The following FAT3 variants were observed in gnomAD, a reference collection of about 807,000 sequenced individuals.
FAT3 encodes the protein FAT atypical cadherin 3.
Under a neutral mutation model 310.2 loss-of-function variants are expected in FAT3, and 95 were observed. The ratio of observed to expected loss-of-function variants is 0.31; its 90% confidence interval spans 0.26 to 0.36. The LOEUF is 0.36. Among genes scored for constraint, FAT3 ranks in the 10% least tolerant of loss-of-function variants. The probability of loss-of-function intolerance (pLI) is 1.00; values close to 1 mark genes in which losing one functional copy is unlikely to be tolerated. For synonymous variants in FAT3, 2,314 were observed against 2,192.9 expected (o/e 1.06, Z -1.54); for missense variants, 5,408 against 5,715.6 (o/e 0.95, Z 1.74).
intron 1 of FAT3, among the ~76,000 whole-genome samples, chr11:92,301,783 G>A (rs1947004883): frequency 6.6e-6 from 1 of 152,030 alleles, no homozygotes; most frequent in East Asian, 1.9e-4. Context: ...AGATCATCTT[G>A]TGTGCCTCAT....
chr11:92,565,610 T>A (rs1197367376), intron 3 of FAT3, among the ~76,000 whole-genome samples: 4 of 151,472 alleles, frequency 2.6e-5, no homozygotes, highest in African/African-American at 9.7e-5. Context: ...ACCAATATCC[T>A]TGATGAACAT....
At chr11:92,633,461 T>C (rs549770096) in intron 3 of FAT3, among the ~76,000 whole-genome samples, 8 of 152,196 alleles carry the variant, frequency 5.3e-5, no homozygotes, top group Non-Finnish European at 1.0e-4. Flanking sequence ...ATGTGAACTT[T>C]ACAAATGTCA....
intron 2 of FAT3, among the ~76,000 whole-genome samples, chr11:92,500,258 T>C (rs1241971553): frequency 1.3e-5 from 2 of 152,090 alleles, no homozygotes; most frequent in East Asian, 3.9e-4. Context: ...CATACAGTAT[T>C]AAATTAGACT....
chr11:92,822,146 C>T lies in FAT3; in HGVS notation c.9482-9476C>T, dbSNP rs115763209. ...TTCCAAACAGGGATCAAAACACTAGCTGTCAAAGGAAACAGCTAATTCCTT... is the reference window on the plus strand; with the variant it reads ...TTCCAAACAGGGATCAAAACACTAGTTGTCAAAGGAAACAGCTAATTCCTT... On this transcript the variant is annotated intron_variant, in intron 13 of 27. Transcript: ENST00000525166. 3.4e-3 allele frequency among the ~76,000 whole-genome samples: 512 copies of T among 152,238 alleles called. 1 individual carries two copies. Among genetic ancestry groups the T allele is most frequent in the African/African-American group, 0.012 (478 of 41,522 alleles).
chr11:92,548,032 G>A (rs910931577), intron 3 of FAT3, among the ~76,000 whole-genome samples: 1 of 152,130 alleles, frequency 6.6e-6, no homozygotes, highest in African/African-American at 2.4e-5. Flanking sequence ...TTGAGCACTT[G>A]ATTTATAGAA....
intron 2 of FAT3, among the ~76,000 whole-genome samples, chr11:92,421,197 G>C (rs1950526470): frequency 6.6e-6 from 1 of 152,088 alleles, no homozygotes; most frequent in Non-Finnish European, 1.5e-5. Flanking sequence ...GTTGTAACTT[G>C]ACTATCACTT....
In FAT3 at chr11:92,353,018, C is replaced by T; in HGVS notation, c.906C>T (p.Ser302=). 4.3e-6 allele frequency: 7 copies of T among 1,613,684 alleles called. No individual in the cohort carries two copies. The highest frequency in any genetic ancestry group is 1.3e-5 in the African/African-American group (1 of 74,994). ...CGAATGGAGAGATCGAATCTGTTTCCATTGTGGCTGGGGATCCTTTAGATC... is the reference window on the plus strand; with the variant it reads ...CGAATGGAGAGATCGAATCTGTTTCTATTGTGGCTGGGGATCCTTTAGATC... ...DGANGEIESV[S]IVAGDPLDQF... The change falls in exon 2 of 28, where the codon TCC becomes TCT. Residue 302 remains serine (S), a synonymous_variant. Coordinates refer to ENST00000525166, the MANE Select transcript of FAT3 (RefSeq NM_001367949.2).
chr11:92,787,057 G>A (rs1435129957), intron 7 of FAT3, among the ~76,000 whole-genome samples: 4 of 152,080 alleles, frequency 2.6e-5, no homozygotes, highest in Non-Finnish European at 5.9e-5. Flanking sequence ...CTGTACTACT[G>A]GATGTCAGTA....
intron 3 of FAT3, among the ~76,000 whole-genome samples, chr11:92,629,554 G>T (rs1198826662): frequency 6.6e-6 from 1 of 151,728 alleles, no homozygotes; most frequent in Non-Finnish European, 1.5e-5. Flanking sequence ...AGGACTATAG[G>T]CACGTGCCAC....
chr11:92,680,933 T>C (rs765777055), intron 3 of FAT3, among the ~76,000 whole-genome samples: 4 of 152,214 alleles, frequency 2.6e-5, no homozygotes, highest in Non-Finnish European at 4.4e-5. Context: ...CTAGAAACTT[T>C]TAGTGGTAGA....
intron 4 of FAT3, among the ~76,000 whole-genome samples, chr11:92,705,777 GTGA>G (rs1399077371): frequency 9.4e-5 from 1 of 10,606 alleles, no homozygotes; most frequent in African/African-American, 4.1e-4. Flanking sequence ...GATGGTGGTG[GTGA>G]TGGTGGTGGT....
At chr11:92,861,786 C>T (rs189458952) in intron 21 of FAT3, among the ~76,000 whole-genome samples, 9 of 152,342 alleles carry the variant, frequency 5.9e-5, no homozygotes, top group African/African-American at 2.2e-4. Flanking sequence ...GCTTTAGGTA[C>T]AGTATGTGCC....
intron 7 of FAT3, among the ~76,000 whole-genome samples, chr11:92,783,055 T>C (rs559987117): frequency 2.1e-4 from 32 of 152,322 alleles, no homozygotes; most frequent in African/African-American, 7.2e-4. Flanking sequence ...ATCTGCCTCT[T>C]GGCAGTGAAA....
intron 3 of FAT3, among the ~76,000 whole-genome samples, chr11:92,550,340 T>C (rs1954766786): frequency 6.6e-6 from 1 of 152,188 alleles, no homozygotes; most frequent in Non-Finnish European, 1.5e-5. Flanking sequence ...TGTGATGTTG[T>C]AAATGTTCAG....
intron 3 of FAT3, among the ~76,000 whole-genome samples, chr11:92,660,554 C>T (rs1304586573): frequency 6.6e-6 from 1 of 152,182 alleles, no homozygotes; most frequent in Non-Finnish European, 1.5e-5. Context: ...GCATCCTGCT[C>T]TTGCCAGTGG....
At chr11:92,454,691 G>A (rs1233182933) in intron 2 of FAT3, among the ~76,000 whole-genome samples, 1 of 152,150 alleles carries the variant, frequency 6.6e-6, no homozygotes, top group Non-Finnish European at 1.5e-5. Flanking sequence ...GCATTTGGAT[G>A]TGGCTGAAAA....
intron 2 of FAT3, among the ~76,000 whole-genome samples, chr11:92,480,748 T>C (rs886590923): frequency 7.9e-5 from 12 of 152,182 alleles, no homozygotes; most frequent in Admixed American, 3.3e-4. Flanking sequence ...GTTATAAGCA[T>C]TGGGGAGTTG....
chr11:92,586,957 T>C (rs1939187082), intron 3 of FAT3, among the ~76,000 whole-genome samples: 1 of 151,986 alleles, frequency 6.6e-6, no homozygotes, highest in Non-Finnish European at 1.5e-5. Flanking sequence ...CTTGTAGTAA[T>C]TTCAAATGTG....
chr11:92,362,127 C>T (rs1335046591), intron 2 of FAT3, among the ~76,000 whole-genome samples: 2 of 152,198 alleles, frequency 1.3e-5, no homozygotes, highest in African/African-American at 4.8e-5. Flanking sequence ...CCTTTCTTTG[C>T]ACTGAGGCTC....
Sources: gnomAD v4.1 joint callset for allele counts (sites outside exome capture counted in the v4.1 genomes callset) on GRCh38, gnomAD v4.1.1 for gene constraint, MANE v1.5 for transcripts, NCBI Gene and HGNC (gene_info 2026-07-23, HGNC 2026-07-21) for gene names.